The following CDH13 variants were observed in gnomAD, a reference collection of about 807,000 sequenced individuals.
CDH13 encodes the protein cadherin 13.
A neutral mutation model predicts 63.8 loss-of-function variants in CDH13; 24 were observed. The observed-to-expected ratio is 0.38, with a 90% CI of 0.27 to 0.53. The LOEUF (loss-of-function observed/expected upper bound fraction) is 0.53. CDH13 is among the 20% of genes least tolerant of loss of function. The probability of loss-of-function intolerance (pLI) is 0.85; values close to 1 mark genes in which losing one functional copy is unlikely to be tolerated. For synonymous variants in CDH13, 503 were observed against 355.3 expected (o/e 1.42, Z -4.67); for missense variants, 1,049 against 903.1 (o/e 1.16, Z -2.07).
Position 83,799,622 on chromosome 16 carries a change from A to G in CDH13, c.*4592A>G, listed in dbSNP as rs1447082368. ...CTTTTCTGTTTACCAAATACTAAGA[A>G]TAATAATCTAATAATCTGGCTACAT... On this transcript the variant is annotated 3_prime_UTR_variant, in exon 14 of 14. Coordinates refer to ENST00000567109, the MANE Select transcript of CDH13 (RefSeq NM_001257.5). The G allele has an allele frequency of 2.0e-5, 3 of 152,222 alleles. No homozygotes were observed. The highest frequency in any genetic ancestry group is 2.0e-4 in the Admixed American group (3 of 15,280). The allele number at this position is 152,222 out of a possible 1,614,324, so 9.4% of individuals were successfully genotyped here. A position where few individuals can be genotyped will look rare whatever the true frequency, so the allele number is the denominator to read the frequency against.
At chr16:82,732,021 A>G (rs2033430268) in intron 1 of CDH13, among the ~76,000 whole-genome samples, 1 of 152,078 alleles carries the variant, frequency 6.6e-6, no homozygotes, top group African/African-American at 2.4e-5. Flanking sequence ...CTTAAATGTG[A>G]CTTCTTCAAA....
intron 6 of CDH13, among the ~76,000 whole-genome samples, chr16:83,420,589 T>C (rs13337525): frequency 0.013 from 1,907 of 152,302 alleles, 41 homozygotes; most frequent in African/African-American, 0.044. Flanking sequence ...ACCATTATCA[T>C]TGTATTACGG....
At chr16:83,099,150 A>G (rs552745354) in intron 3 of CDH13, among the ~76,000 whole-genome samples, 2 of 152,292 alleles carry the variant, frequency 1.3e-5, no homozygotes, top group African/African-American at 2.4e-5. Flanking sequence ...ATAAGATCCT[A>G]TTCTAACATA....
chr16:82,935,986 C>G (rs909097577), intron 2 of CDH13, among the ~76,000 whole-genome samples: 1 of 152,050 alleles, frequency 6.6e-6, no homozygotes, highest in Non-Finnish European at 1.5e-5. Context: ...TAGTGCTCAC[C>G]CATTGGTTCT....
At chr16:83,671,465 T>A (rs991324117) in intron 9 of CDH13, among the ~76,000 whole-genome samples, 2 of 152,170 alleles carry the variant, frequency 1.3e-5, no homozygotes, top group African/African-American at 2.4e-5. Flanking sequence ...CCCAGGCTTG[T>A]CTCAAACTCC....
chr16:83,715,045 A>G (rs1036981938), intron 10 of CDH13, among the ~76,000 whole-genome samples: 14 of 152,126 alleles, frequency 9.2e-5, no homozygotes, highest in Non-Finnish European at 1.5e-4. Flanking sequence ...GCTAGGTTCG[A>G]GAGTAAGAGT....
intron 1 of CDH13, among the ~76,000 whole-genome samples, chr16:82,796,421 C>G (rs1420469383): frequency 1.3e-5 from 2 of 152,312 alleles, no homozygotes; most frequent in East Asian, 3.9e-4. Flanking sequence ...ATGGAACTAC[C>G]AGATACTGAA....
intron 1 of CDH13, among the ~76,000 whole-genome samples, chr16:82,662,964 G>A (rs903262023): frequency 3.3e-5 from 5 of 152,118 alleles, no homozygotes; most frequent in East Asian, 1.9e-4. Context: ...TGATGATTTC[G>A]AGTTAAAAAC....
intron 7 of CDH13, among the ~76,000 whole-genome samples, chr16:83,559,882 C>T (rs1270845995): frequency 6.6e-6 from 1 of 152,130 alleles, no homozygotes; most frequent in South Asian, 2.1e-4. Context: ...GAATTAGTTT[C>T]CTAATTCTTT....
In CDH13 at chr16:82,729,796, T is replaced by C. The variant is rs546394805; in HGVS notation, c.45+102659T>C. The stretch of plus-strand genomic sequence containing the variant: ...ATCTTCTTCCAGTATAAAGATGTTT[T>C]ATCTACACGAAAAATCTGTTTAGTG... On this transcript the variant is annotated intron_variant, in intron 1 of 13. Transcript: ENST00000567109. Among the ~76,000 whole-genome samples the C allele has an allele frequency of 2.0e-5, 3 of 152,316 alleles. No homozygotes were observed. In the South Asian group the frequency reaches 6.2e-4, roughly 32 times the overall value.
chr16:83,467,291 G>C (rs931113833), intron 6 of CDH13, among the ~76,000 whole-genome samples: 5 of 152,096 alleles, frequency 3.3e-5, no homozygotes, highest in Admixed American at 1.3e-4. Flanking sequence ...TCTTGTCCAT[G>C]TTTTTATAGA....
chr16:83,356,409 G>T (rs1013783177), intron 6 of CDH13, among the ~76,000 whole-genome samples: 17 of 152,076 alleles, frequency 1.1e-4, no homozygotes, highest in African/African-American at 4.1e-4. Flanking sequence ...TAGTTTGAGA[G>T]ATGCTCAACA....
chr16:83,032,147 C>G lies in CDH13; in HGVS notation c.295C>G (p.Arg99Gly), dbSNP rs201332621. 1 of 1,613,526 alleles carries G rather than the reference C, an allele frequency of 6.2e-7. No homozygotes were observed. Among genetic ancestry groups the G allele is most frequent in the Non-Finnish European group, 8.5e-7 (1 of 1,179,774 alleles). The change falls in exon 3 of 14, where the codon CGG becomes GGG. Residue 99 changes from arginine (R) to glycine (G), a missense_variant. Transcript: ENST00000567109. ...GGGCAAAACTCTGTTCGTCCATGCACGGACCCCCCATGCGGAAGATATGGC... is the reference window on the plus strand; with the variant it reads ...GGGCAAAACTCTGTTCGTCCATGCAGGGACCCCCCATGCGGAAGATATGGC... Reference protein sequence around the residue: ...AVGKTLFVHARTPHAEDMAEL... With the variant: ...AVGKTLFVHAGTPHAEDMAEL...
intron 4 of CDH13, among the ~76,000 whole-genome samples, chr16:83,167,979 A>G (rs1597454255): frequency 1.3e-5 from 2 of 152,088 alleles, no homozygotes; most frequent in East Asian, 1.9e-4. Flanking sequence ...GTTCTCACTT[A>G]TAAGTGGGAC....
chr16:82,678,636 CT>C (rs1340730389), intron 1 of CDH13, among the ~76,000 whole-genome samples: 4 of 152,162 alleles, frequency 2.6e-5, no homozygotes, highest in Admixed American at 2.0e-4. Context: ...ATATTTGGAT[CT>C]TTCCTTGAAG....
intron 4 of CDH13, among the ~76,000 whole-genome samples, chr16:83,130,582 A>T (rs1026699877): frequency 6.6e-6 from 1 of 152,264 alleles, no homozygotes; most frequent in Non-Finnish European, 1.5e-5. Flanking sequence ...TAGTGGTAGA[A>T]TATAAGTTGG....
chr16:83,009,384 T>G (rs1913883882), intron 2 of CDH13, among the ~76,000 whole-genome samples: 1 of 152,192 alleles, frequency 6.6e-6, no homozygotes, highest in Non-Finnish European at 1.5e-5. Flanking sequence ...GAACTGTGGT[T>G]GAGTTTGTTA....
At chr16:83,624,632 C>T (rs922964640) in intron 8 of CDH13, among the ~76,000 whole-genome samples, 2 of 152,154 alleles carry the variant, frequency 1.3e-5, no homozygotes, top group Non-Finnish European at 2.9e-5. Context: ...ATGCTCACCT[C>T]CTGCTGTGCT....
chr16:83,519,534 C>G (rs780058455), intron 7 of CDH13, among the ~76,000 whole-genome samples: 11 of 152,232 alleles, frequency 7.2e-5, no homozygotes, highest in Admixed American at 2.0e-4. Context: ...GCCACTTTAA[C>G]TATAATACCT....
Sources: gnomAD v4.1 joint callset for allele counts (sites outside exome capture counted in the v4.1 genomes callset) on GRCh38, gnomAD v4.1.1 for gene constraint, MANE v1.5 for transcripts, NCBI Gene and HGNC (gene_info 2026-07-23, HGNC 2026-07-21) for gene names.